EVC2: variants seen among roughly 807,000 people sequenced by gnomAD.
The protein encoded by EVC2 is EvC ciliary complex subunit 2, also known as limbin.
EVC2 carries 148 observed loss-of-function variants against 149.3 expected under a neutral mutation model. That is an observed-to-expected ratio of 0.99 (90% CI 0.87 to 1.14). The LOEUF (loss-of-function observed/expected upper bound fraction) is 1.14. Among genes scored for constraint, EVC2 ranks in the 50% most tolerant of loss-of-function variants. The pLI, the probability that EVC2 is intolerant of heterozygous loss-of-function variation, is 0.00. For synonymous variants in EVC2, 776 were observed against 649.9 expected, an observed-to-expected ratio of 1.19 and a Z score of -2.95; for missense variants, 1,854 against 1,627.3, an observed-to-expected ratio of 1.14 and a Z score of -2.40.
rs746188195 is a variant in EVC2 at position 5,640,843 on chromosome 4, G to C, written c.1146-5C>G. The C allele has an allele frequency of 6.1e-5, 98 of 1,613,940 alleles. No homozygotes were observed. Among genetic ancestry groups the C allele is most frequent in the Admixed American group, 3.3e-5 (2 of 59,994 alleles). ...TTCAGGGTTGCAATCTCCAACCTAG[G>C]AAACACAAAAATCAAAAGAATTCCA... On this transcript the variant is annotated splice_region_variant and splice_polypyrimidine_tract_variant and intron_variant, in intron 9 of 21. Transcript: ENST00000344408. This position sits in a 1 kb window ranked among gnomAD's most constrained non-coding sequence, Gnocchi z 4.6.
At chr4:5,641,041 A>G (rs1253867932) in intron 9 of EVC2, among the ~76,000 whole-genome samples, 1 of 152,224 alleles carries the variant, frequency 6.6e-6, no homozygotes, top group Middle Eastern at 3.2e-3. Flanking sequence ...GTAAGGTACC[A>G]TGTGATGTAC....
chr4:5,671,314 C>T (rs1719635243), intron 7 of EVC2, among the ~76,000 whole-genome samples: 1 of 152,146 alleles, frequency 6.6e-6, no homozygotes, highest in Admixed American at 6.5e-5. Flanking sequence ...ATCGAGCCAT[C>T]AAGGGTTTGT....
chr4:5,650,935 G>T (rs940905757), intron 9 of EVC2, among the ~76,000 whole-genome samples: 3 of 152,040 alleles, frequency 2.0e-5, no homozygotes, highest in African/African-American at 7.2e-5. Context: ...ACTTCTCATT[G>T]TTGTTGCTGC....
At chr4:5,649,008 G>C (rs1452191076) in intron 9 of EVC2, among the ~76,000 whole-genome samples, 1 of 152,136 alleles carries the variant, frequency 6.6e-6, no homozygotes, top group East Asian at 1.9e-4. Context: ...GCCCTCTATG[G>C]CATTGTGCCA....
At chr4:5,652,027 G>C (rs1208285375) in intron 9 of EVC2, among the ~76,000 whole-genome samples, 2 of 152,258 alleles carry the variant, frequency 1.3e-5, no homozygotes, top group African/African-American at 4.8e-5. Flanking sequence ...GTGGGGATTT[G>C]AGTTTTACCA....
At chr4:5,663,647 G>A (rs147753825) in intron 8 of EVC2, among the ~76,000 whole-genome samples, 19 of 152,324 alleles carry the variant, frequency 1.2e-4, no homozygotes, top group Admixed American at 7.2e-4. Context: ...TGAGTGGGGC[G>A]TGGTGGCTCA....
At chr4:5,580,704 G>C (rs1319605832) in intron 17 of EVC2, among the ~76,000 whole-genome samples, 9 of 152,280 alleles carry the variant, frequency 5.9e-5, no homozygotes, top group African/African-American at 2.2e-4. Flanking sequence ...CACTTGCTGT[G>C]GGCTTTGGCT....
intron 16 of EVC2, among the ~76,000 whole-genome samples, chr4:5,594,569 C>A (rs532394910): frequency 6.6e-6 from 1 of 152,188 alleles, no homozygotes; most frequent in Admixed American, 6.5e-5. Flanking sequence ...AAAAACCCAT[C>A]TGTACATCAC....
intron 16 of EVC2, among the ~76,000 whole-genome samples, chr4:5,595,412 T>C (rs1361792598): frequency 6.6e-6 from 1 of 152,172 alleles, no homozygotes; most frequent in East Asian, 1.9e-4. Flanking sequence ...GGGGCCAATA[T>C]TCAACATTCT....
chr4:5,696,469 T>G lies in EVC2; in HGVS notation c.283+1124A>C, dbSNP rs935442088. ...CCACCCAGTGGCCCCAGGGATAGGT[T>G]CAGGGACAGGCCGGGGACCCACGCT... is the stretch of plus-strand genomic sequence containing the variant. On this transcript the variant is annotated intron_variant, in intron 2 of 21. Transcript: ENST00000344408. This position sits in a 1 kb window ranked among gnomAD's most constrained non-coding sequence, Gnocchi z 4.1. 1.3e-5 allele frequency among the ~76,000 whole-genome samples: 2 copies of G among 152,110 alleles called. No homozygotes were observed. Among genetic ancestry groups the G allele is most frequent in the African/African-American group, 4.8e-5 (2 of 41,418 alleles).
intron 9 of EVC2, among the ~76,000 whole-genome samples, chr4:5,650,628 TATATATATATAGAGAG>T (rs1389969871): frequency 2.5e-3 from 197 of 77,318 alleles, no homozygotes; most frequent in African/African-American, 7.1e-3. Flanking sequence ...TATATATATA[TATATATATATAGAGAG>T]AGAGAGAGAG....
intron 9 of EVC2, among the ~76,000 whole-genome samples, chr4:5,650,638 T>TATAGAG (rs1162935817): frequency 1.1e-3 from 49 of 45,092 alleles, no homozygotes; most frequent in Non-Finnish European, 1.6e-3. Context: ...TATATATATA[T>TATAGAG]AGAGAGAGAG....
intron 9 of EVC2, among the ~76,000 whole-genome samples, chr4:5,651,265 T>A (rs1718125713): frequency 6.6e-6 from 1 of 151,780 alleles, no homozygotes; most frequent in Non-Finnish European, 1.5e-5. Context: ...GGTGGGTGGA[T>A]GGATATGCAG....
chr4:5,627,981 G>T (rs1265554720), intron 12 of EVC2, among the ~76,000 whole-genome samples: 1 of 152,076 alleles, frequency 6.6e-6, no homozygotes, highest in African/African-American at 2.4e-5. Context: ...CATGAGTGGG[G>T]CTCATTATAC....
intron 10 of EVC2, among the ~76,000 whole-genome samples, 156 bp from the exon 11 acceptor site, chr4:5,632,188 G>A (rs377764018): frequency 1.1e-4 from 16 of 152,308 alleles, no homozygotes; most frequent in Middle Eastern, 3.4e-3. Context: ...ACACACATGC[G>A]CATGCAGTGT....
chr4:5,610,793 T>C (rs904939590), intron 16 of EVC2, among the ~76,000 whole-genome samples: 1 of 122,206 alleles, frequency 8.2e-6, no homozygotes, highest in East Asian at 2.6e-4. Flanking sequence ...TTTTTCCTTT[T>C]CTTTTTTTTT....
At chr4:5,608,052 CAG>C (rs1714537346) in intron 16 of EVC2, among the ~76,000 whole-genome samples, 1 of 152,084 alleles carries the variant, frequency 6.6e-6, no homozygotes, top group Non-Finnish European at 1.5e-5. Flanking sequence ...GCTATGGAGG[CAG>C]ACACACCAAC....
At chr4:5,533,724 G>A in the EVC2 span, among the ~76,000 whole-genome samples, 2 of 152,186 alleles carry the variant, frequency 1.3e-5, no homozygotes, top group African/African-American at 4.8e-5. Flanking sequence ...TAAGAAAGCT[G>A]ACTGCCACAG....
chr4:5,558,112 A>G (rs960083488), downstream of EVC2, among the ~76,000 whole-genome samples: 1 of 152,216 alleles, frequency 6.6e-6, no homozygotes, highest in African/African-American at 2.4e-5. Context: ...GAGTCAACAC[A>G]GTACTAAAGA....
Sources: gnomAD v4.1 joint callset for allele counts (sites outside exome capture counted in the v4.1 genomes callset) on GRCh38, gnomAD v4.1.1 for gene constraint, Gnocchi (gnomAD v3.1) non-coding constraint, MANE v1.5 for transcripts, NCBI Gene and HGNC (gene_info 2026-07-23, HGNC 2026-07-21) for gene names.